ATP9B: variants seen among roughly 807,000 people sequenced by gnomAD.
The protein encoded by ATP9B is probable phospholipid-transporting ATPase IIB.
ATP9B carries 110 observed loss-of-function variants against 146.1 expected under a neutral mutation model. That is an observed-to-expected ratio of 0.75 (90% CI 0.65 to 0.88). The LOEUF is 0.88. ATP9B is among the 40% of genes least tolerant of loss of function. ATP9B has a pLI of 0.00. For missense variants in ATP9B, 1,499 were observed against 1,496.4 expected (o/e 1.00, Z -0.03); for synonymous variants, 604 against 569.7 (o/e 1.06, Z -0.86).
chr18:79,195,262 T>TAGA (rs5826627), intron 9 of ATP9B, among the ~76,000 whole-genome samples: 85,227 of 151,552 alleles, frequency 0.56, 25,725 homozygotes, highest in African/African-American at 0.8. Context: ...TTATTATGAA[T>TAGA]AGAAGAAACT....
intron 14 of ATP9B, among the ~76,000 whole-genome samples, chr18:79,303,994 G>T (rs1343358811): frequency 1.3e-5 from 2 of 152,092 alleles, no homozygotes; most frequent in African/African-American, 4.8e-5. Flanking sequence ...AGTAAACATT[G>T]TAGTTGAAGA....
Position 79,071,949 on chromosome 18 carries a change from C to T in ATP9B, c.119+2420C>T, listed in dbSNP as rs182035393. 4.6e-3 allele frequency among the ~76,000 whole-genome samples: 519 copies of T among 112,732 alleles called. 2 individuals are homozygous for T. The highest frequency in any genetic ancestry group is 0.018 in the African/African-American group (488 of 27,876). 74.0% of individuals were successfully genotyped at this position (112,732 alleles called of 152,430 possible). A position where few individuals can be genotyped will look rare whatever the true frequency, so the allele number is the denominator to read the frequency against. On this transcript the variant is annotated intron_variant, in intron 1 of 29. Transcript: ENST00000426216. ...AGGGAGTTTTTAGCCATTATTTCTT[C>T]AACTACTCTTTGTTGTTGTTGAAAT...
At chr18:79,232,294 T>C (rs1321720677) in intron 11 of ATP9B, among the ~76,000 whole-genome samples, 1 of 152,242 alleles carries the variant, frequency 6.6e-6, no homozygotes, top group Non-Finnish European at 1.5e-5. Flanking sequence ...GATTGTAGCA[T>C]GCTCCTCCTT....
rs1486153274 is a variant in ATP9B at position 79,377,390 on chromosome 18, G to C, written c.*7G>C. On this transcript the variant is annotated 3_prime_UTR_variant, in exon 30 of 30. Transcript: ENST00000426216. ...CTGCAAGCTGGCCTCCTAAGGGGCT[G>C]TGCACCCCCAGCGGGCTGGCCCCAG... The C allele has an allele frequency of 1.9e-6, 3 of 1,605,986 alleles. No individual in the cohort carries two copies. Among genetic ancestry groups the C allele is most frequent in the Non-Finnish European group, 2.5e-6 (3 of 1,179,958 alleles).
chr18:79,218,894 T>C (rs897627754), intron 11 of ATP9B, among the ~76,000 whole-genome samples: 4 of 152,136 alleles, frequency 2.6e-5, no homozygotes, highest in Admixed American at 2.6e-4. Flanking sequence ...GGAGGGAGAA[T>C]TGGAAATACT....
intron 9 of ATP9B, among the ~76,000 whole-genome samples, chr18:79,200,762 C>CA (rs376428579): frequency 3.7e-5 from 1 of 26,788 alleles, no homozygotes. Flanking sequence ...GAGGTGGGAA[C>CA]GTTGGGGTCA....
intron 7 of ATP9B, among the ~76,000 whole-genome samples, chr18:79,162,940 C>T (rs546869582): frequency 6.6e-6 from 1 of 152,320 alleles, no homozygotes; most frequent in South Asian, 2.1e-4. Context: ...GTGACACATA[C>T]ACGAGTTGAT....
Position 79,347,729 on chromosome 18 carries a change from G to A in ATP9B, c.2683-41G>A, listed in dbSNP as rs371073257. 1.9e-5 allele frequency: 29 copies of A among 1,492,682 alleles called. 1 individual carries two copies. Among genetic ancestry groups the A allele is most frequent in the East Asian group, 1.4e-4 (6 of 41,888 alleles). 92.5% of individuals were successfully genotyped at this position (1,492,682 alleles called of 1,614,324 possible). On this transcript the variant is annotated intron_variant, in intron 23 of 29. Transcript: ENST00000426216. ...TCACTTTTGGAGTCTGATTTCCAGC[G>A]TCCGCCATGTTTGAAAAGGCCCCGT...
intron 12 of ATP9B, among the ~76,000 whole-genome samples, chr18:79,271,113 C>G (rs540468205): frequency 6.6e-6 from 1 of 152,118 alleles, no homozygotes; most frequent in Non-Finnish European, 1.5e-5. Flanking sequence ...CTTACTCTTC[C>G]GAAAACACCA....
intron 15 of ATP9B, chr18:79,307,569 G>A: frequency 3.9e-6 from 1 of 256,960 alleles, no homozygotes; most frequent in Middle Eastern, 1.4e-3. Context: ...AACTGTTGAA[G>A]TTTGGGACTG....
intron 7 of ATP9B, 50 bp downstream of exon 7, chr18:79,154,605 C>T: frequency 8.2e-7 from 1 of 1,215,332 alleles, no homozygotes; most frequent in Non-Finnish European, 1.1e-6. Flanking sequence ...ATTGCAAAAA[C>T]AAATTTACAA....
At position 79,347,860 on chromosome 18, in the gene ATP9B, T is replaced by C. The variant is rs2096898942; in HGVS notation, c.2773T>C (p.Tyr925His). ...RLLMVHGRNS[Y>H]KRSAALGQFV... The stretch of plus-strand genomic sequence containing the variant: ...GCTCATGGTGCACGGGCGGAACAGC[T>C]ACAAGAGGTCGGCGGCACTCGGCCA... The change falls in exon 24 of 30, where the codon TAC becomes CAC. Residue 925 changes from tyrosine to histidine, a missense_variant. Tyr to His is a moderately conservative substitution (Grantham distance 83, BLOSUM62 2). Transcript: ENST00000426216. 3 of 1,613,660 alleles carry C rather than the reference T, an allele frequency of 1.9e-6. No homozygotes were observed. Among genetic ancestry groups the C allele is most frequent in the Non-Finnish European group, 2.5e-6 (3 of 1,179,952 alleles).
intron 15 of ATP9B, among the ~76,000 whole-genome samples, chr18:79,312,384 A>G (rs2096657641): frequency 1.3e-5 from 2 of 152,234 alleles, no homozygotes; most frequent in Non-Finnish European, 2.9e-5. Flanking sequence ...CCAAGCTTGT[A>G]TGGAGCTGCA....
intron 11 of ATP9B, among the ~76,000 whole-genome samples, chr18:79,236,803 A>G (rs1245280251): frequency 6.4e-5 from 8 of 125,280 alleles, no homozygotes; most frequent in Non-Finnish European, 1.2e-4. Context: ...CCCACTGTGT[A>G]CACGGTCCGT....
intron 19 of ATP9B, 117 bp from the exon 20 acceptor site, chr18:79,342,151 A>G: frequency 1.4e-6 from 1 of 711,730 alleles, no homozygotes; most frequent in South Asian, 1.6e-5. Context: ...TCATTCATTT[A>G]TCTATTGACG....
chr18:79,242,068 C>T (rs1220166742), intron 11 of ATP9B, among the ~76,000 whole-genome samples: 2 of 152,184 alleles, frequency 1.3e-5, no homozygotes, highest in African/African-American at 4.8e-5. Context: ...CATTTTCAGC[C>T]AGTTTTTATT....
At chr18:79,325,213 A>G (rs1051500725) in intron 15 of ATP9B, among the ~76,000 whole-genome samples, 4 of 152,070 alleles carry the variant, frequency 2.6e-5, no homozygotes, top group African/African-American at 9.7e-5. Context: ...GGTGCCTCAG[A>G]TCACTTCTGC....
chr18:79,271,746 A>G (rs2096257312), intron 12 of ATP9B, among the ~76,000 whole-genome samples: 1 of 152,302 alleles, frequency 6.6e-6, no homozygotes, highest in Middle Eastern at 3.4e-3. Flanking sequence ...TCCTTTGGGT[A>G]TATACCCAGT....
rs773756390 is a variant in ATP9B at position 79,126,262 on chromosome 18, T to C, written c.559-5T>C. 6.2e-7 allele frequency: 1 copy of C among 1,600,410 alleles called. No homozygotes were observed. Among genetic ancestry groups the C allele is most frequent in the Non-Finnish European group, 8.5e-7 (1 of 1,172,846 alleles). On this transcript the variant is annotated splice_polypyrimidine_tract_variant and splice_region_variant and intron_variant, in intron 4 of 29. Transcript: ENST00000426216. ...TTTCTAAAAATACCTTATTTTGTTTTATAGGGATTTGTCTTGGCTGTTACT... is the reference window on the plus strand; with the variant it reads ...TTTCTAAAAATACCTTATTTTGTTTCATAGGGATTTGTCTTGGCTGTTACT...
Sources: allele counts gnomAD v4.1 joint callset (sites outside exome capture counted in the v4.1 genomes callset), GRCh38; gene constraint gnomAD v4.1.1; transcripts MANE v1.5; gene names NCBI Gene and HGNC (gene_info 2026-07-23, HGNC 2026-07-21).